Variants in DOP1A observed in about 807,000 individuals in gnomAD.
DOP1A encodes the protein DOP1 leucine zipper like protein A.
In DOP1A, 90 loss-of-function variants were observed where a neutral mutation model predicts 267.6. The observed-to-expected ratio is 0.34, with a 90% CI of 0.28 to 0.40. The LOEUF (loss-of-function observed/expected upper bound fraction) is 0.40. DOP1A is among the 10% of genes least tolerant of loss of function. The probability of loss-of-function intolerance (pLI) is 1.00; values close to 1 mark genes in which losing one functional copy is unlikely to be tolerated. For synonymous variants in DOP1A, 932 were observed against 999.1 expected (o/e 0.93, Z 1.27); for missense variants, 2,437 against 2,900.4 (o/e 0.84, Z 3.67).
chr6:83,096,257 T>A (rs1771491858), intron 1 of DOP1A, among the ~76,000 whole-genome samples: 1 of 151,210 alleles, frequency 6.6e-6, no homozygotes, highest in South Asian at 2.1e-4. Flanking sequence ...CTAATTTTTA[T>A]TTTTTTTAGA....
downstream of DOP1A, chr6:83,170,789 A>G (rs966235023): frequency 4.7e-6 from 1 of 211,044 alleles, no homozygotes; most frequent in African/African-American, 2.3e-5. Context: ...AGCCCATTAT[A>G]TAAGAAGACC....
chr6:83,130,743 G>A (rs979088576), intron 17 of DOP1A, among the ~76,000 whole-genome samples: 1 of 151,744 alleles, frequency 6.6e-6, no homozygotes, highest in Non-Finnish European at 1.5e-5. Context: ...CAACACTTTT[G>A]CTTTTCTTTT....
Position 83,145,676 on chromosome 6 carries a change from T to G in DOP1A, c.5676+18T>G. Reference sequence around the variant, plus strand: ...AGGACAAGGTAAGAAAAAACTCTTCTTCACATGTGTTTACAATTCTGTTTC... The same window carrying G: ...AGGACAAGGTAAGAAAAAACTCTTCGTCACATGTGTTTACAATTCTGTTTC... On this transcript the variant is annotated intron_variant, in intron 25 of 38. Transcript: ENST00000349129. 1 of 1,605,366 alleles carries G rather than the reference T, an allele frequency of 6.2e-7. No individual in the cohort carries two copies. Among genetic ancestry groups the G allele is most frequent in the Non-Finnish European group, 8.5e-7 (1 of 1,177,208 alleles).
At chr6:83,136,029 G>C in intron 20 of DOP1A, 151 bp downstream of exon 20, 1 of 943,168 alleles carries the variant, frequency 1.1e-6, no homozygotes, top group Non-Finnish European at 1.5e-6. Context: ...ATGCTGTGTG[G>C]ACCATGTCAG....
At chr6:83,129,600 G>C in intron 16 of DOP1A, 92 bp downstream of exon 16, 1 of 1,242,020 alleles carries the variant, frequency 8.1e-7, no homozygotes, top group East Asian at 2.7e-5. Context: ...GGTTTTTTTA[G>C]CCAGTTACTT....
intron 17 of DOP1A, 109 bp downstream of exon 17, chr6:83,130,506 A>G: frequency 7.5e-7 from 1 of 1,331,980 alleles, no homozygotes; most frequent in Non-Finnish European, 1.0e-6. Flanking sequence ...GCTTCATTTA[A>G]ACACCTCTTA....
chr6:83,148,952 A>G (rs1273649548), intron 27 of DOP1A, 89 bp downstream of exon 27: 1 of 729,374 alleles, frequency 1.4e-6, no homozygotes, highest in Non-Finnish European at 2.1e-6. Context: ...ATTTTAGGTG[A>G]CAGTGATCTC....
chr6:83,099,626 A>G (rs1772165859), intron 3 of DOP1A, among the ~76,000 whole-genome samples: 1 of 151,986 alleles, frequency 6.6e-6, no homozygotes, highest in Non-Finnish European at 1.5e-5. Flanking sequence ...AAGAATACCC[A>G]AGTTGTTTAT....
intron 1 of DOP1A, among the ~76,000 whole-genome samples, chr6:83,087,306 A>G (rs980055756): frequency 3.9e-4 from 60 of 152,228 alleles, no homozygotes; most frequent in African/African-American, 1.4e-3. Context: ...CTAAGGAAAC[A>G]GTGGGTTAGG....
intron 21 of DOP1A, 133 bp from the exon 22 acceptor site, chr6:83,139,866 CT>C (rs199669831): frequency 0.021 from 12,185 of 581,424 alleles, 181 homozygotes; most frequent in Non-Finnish European, 0.028. Flanking sequence ...CTGATTTATT[CT>C]TTTAGCCATT....
intron 1 of DOP1A, among the ~76,000 whole-genome samples, chr6:83,090,501 T>A (rs1299779380): frequency 3.3e-5 from 5 of 152,210 alleles, no homozygotes; most frequent in African/African-American, 9.6e-5. Context: ...TGATACACTA[T>A]GGGGATACGT....
At chr6:83,093,388 G>A (rs981005094) in intron 1 of DOP1A, among the ~76,000 whole-genome samples, 1 of 152,106 alleles carries the variant, frequency 6.6e-6, no homozygotes, top group Non-Finnish European at 1.5e-5. Flanking sequence ...CTTAACCAAG[G>A]AAATTTTGAT....
rs553468146 is a variant in DOP1A, at chr6:83,081,481, G to T, written c.-147+13702G>T. Reference sequence around the variant, plus strand: ...AAGGACATTCTCTTCAGTAAATCGTGTTGGGAAAACTGGATAAACTGCAGA... The same window carrying T: ...AAGGACATTCTCTTCAGTAAATCGTTTTGGGAAAACTGGATAAACTGCAGA... On this transcript the variant is annotated intron_variant, in intron 1 of 38. Coordinates refer to ENST00000349129, the MANE Select transcript of DOP1A (RefSeq NM_015018.4). Among the ~76,000 whole-genome samples, 6 of 152,256 alleles carry T rather than the reference G, an allele frequency of 3.9e-5. No homozygotes were observed. The South Asian group carries it at 1.0e-3, about 26-fold the overall frequency.
intron 4 of DOP1A, among the ~76,000 whole-genome samples, chr6:83,105,584 C>T (rs1030340704): frequency 4.0e-5 from 6 of 151,874 alleles, no homozygotes; most frequent in African/African-American, 1.2e-4. Flanking sequence ...AGGCTGGTCT[C>T]GAACTCCTGA....
chr6:83,083,609 C>T (rs562643831), intron 1 of DOP1A, among the ~76,000 whole-genome samples: 1 of 152,228 alleles, frequency 6.6e-6, no homozygotes, highest in Non-Finnish European at 1.5e-5. Context: ...AGATAATTCA[C>T]ATGAAAGGGC....
At chr6:83,147,890 T>A (rs1287277566) in intron 26 of DOP1A, among the ~76,000 whole-genome samples, 2 of 152,196 alleles carry the variant, frequency 1.3e-5, no homozygotes, top group Non-Finnish European at 2.9e-5. Flanking sequence ...GAAACAAAGA[T>A]AGTCTTCATT....
At position 83,090,126 on chromosome 6, in the gene DOP1A, G is replaced by A. The variant is rs138466245; in HGVS notation, c.-146-6605G>A. On this transcript the variant is annotated intron_variant, in intron 1 of 38. Transcript: ENST00000349129. The stretch of plus-strand genomic sequence containing the variant: ...TGCTTCCCAGTGTTGTTTTGATTTC[G>A]TAGGAAATAATGACGACAACTGTTT... 2.6e-3 allele frequency among the ~76,000 whole-genome samples: 399 copies of A among 152,236 alleles called. 2 individuals are homozygous for A. Among genetic ancestry groups the A allele is most frequent in the African/African-American group, 8.7e-3 (360 of 41,550 alleles).
At chr6:83,114,893 C>T (rs1775159522) in intron 7 of DOP1A, among the ~76,000 whole-genome samples, 1 of 152,062 alleles carries the variant, frequency 6.6e-6, no homozygotes, top group African/African-American at 2.4e-5. Context: ...ACTTTTCTCC[C>T]CACTATGCTA....
chr6:83,150,570 A>G (rs1006034108), intron 27 of DOP1A, among the ~76,000 whole-genome samples: 9 of 152,190 alleles, frequency 5.9e-5, no homozygotes, highest in African/African-American at 2.2e-4. Flanking sequence ...CTGATCCTCT[A>G]AAATTACCTA....
Sources: allele counts gnomAD v4.1 joint callset (sites outside exome capture counted in the v4.1 genomes callset), GRCh38; gene constraint gnomAD v4.1.1; transcripts MANE v1.5; gene names NCBI Gene and HGNC (gene_info 2026-07-23, HGNC 2026-07-21).